The following SLC2A14 variants were observed in gnomAD, a reference collection of about 807,000 sequenced individuals.
SLC2A14 encodes solute carrier family 2, facilitated glucose transporter member 14.
A neutral mutation model predicts 43.0 loss-of-function variants in SLC2A14; 13 were observed. The ratio of observed to expected loss-of-function variants is 0.30; its 90% CI spans 0.20 to 0.48. SLC2A14 has a LOEUF of 0.48. Among genes scored for constraint, SLC2A14 ranks in the 20% least tolerant of loss-of-function variants. The probability of loss-of-function intolerance (pLI) is 0.99; values close to 1 mark genes in which losing one functional copy is unlikely to be tolerated. For synonymous variants in SLC2A14, 190 were observed against 233.8 expected, an observed-to-expected ratio of 0.81 and a Z score of 1.71; for missense variants, 428 against 620.4, an observed-to-expected ratio of 0.69 and a Z score of 3.29.
intron 2 of SLC2A14, among the ~76,000 whole-genome samples, chr12:7,845,952 G>C (rs928781721): frequency 9.9e-5 from 15 of 151,780 alleles, no homozygotes; most frequent in Admixed American, 6.6e-5. Flanking sequence ...AATTAGCTGG[G>C]CGTGGTGGTG....
intron 2 of SLC2A14, among the ~76,000 whole-genome samples, chr12:7,860,089 T>G (rs1361902370): frequency 2.0e-5 from 3 of 152,110 alleles, no homozygotes; most frequent in Non-Finnish European, 4.4e-5. Flanking sequence ...TTACCAGAGC[T>G]GGTTAGCAGT....
intron 2 of SLC2A14, among the ~76,000 whole-genome samples, chr12:7,858,681 T>G (rs150485523): frequency 0.016 from 2,361 of 152,092 alleles, 71 homozygotes; most frequent in African/African-American, 0.053. Context: ...GTATTTTTAG[T>G]AGAGATGGAG....
At chr12:7,879,518 C>T (rs1461899045) in intron 1 of SLC2A14, among the ~76,000 whole-genome samples, 1 of 151,784 alleles carries the variant, frequency 6.6e-6, no homozygotes, top group Non-Finnish European at 1.5e-5. Context: ...TACATCTCTA[C>T]TAAAAATACA....
intron 1 of SLC2A14, among the ~76,000 whole-genome samples, chr12:7,889,742 G>C (rs1213075116): frequency 6.6e-6 from 1 of 151,538 alleles, no homozygotes; most frequent in African/African-American, 2.4e-5. Flanking sequence ...CATTATATTG[G>C]TCAGGCTGGT....
intron 2 of SLC2A14, among the ~76,000 whole-genome samples, chr12:7,845,138 G>C (rs1866357091): frequency 6.6e-6 from 1 of 152,062 alleles, no homozygotes; most frequent in Admixed American, 6.6e-5. Context: ...CTCGTGAATG[G>C]AGAGGTCACC....
Position 7,863,469 on chromosome 12 carries a change from A to G in SLC2A14, c.18+6394T>C, listed in dbSNP as rs774442150. On this transcript the variant is annotated intron_variant, in intron 2 of 10. Transcript: ENST00000431042. ...GTGAAACTCCATCTCTATTAAAAAT[A>G]CAAAAAAATTAGCTGGGTGTGCTGG... The G allele has an allele frequency of 2.0e-5, 9 of 451,268 alleles. 1 individual carries two copies. The highest frequency in any genetic ancestry group is 1.4e-4 in the South Asian group (9 of 64,040). The allele number at this position is 451,268 out of a possible 1,614,324, so 28.0% of individuals were successfully genotyped here.
At chr12:7,835,868 G>A (rs1865408626) in intron 2 of SLC2A14, among the ~76,000 whole-genome samples, 1 of 152,200 alleles carries the variant, frequency 6.6e-6, no homozygotes, top group Admixed American at 6.6e-5. Flanking sequence ...TGTAGGCAGA[G>A]TTCACTTTGA....
chr12:7,839,924 C>CAAAAAAAAAAAAAAA lies in SLC2A14; in HGVS notation c.19-7125_19-7111dup. ...GCGACACAAGGAGACCCTGTCTCTACAAAAAAAAAAAAAAAAAAAAAAAAA... is the reference window on the plus strand; with the variant it reads ...GCGACACAAGGAGACCCTGTCTCTACAAAAAAAAAAAAAAAAAAAAAAAAAAAAAAAAAAAAAAAA... On this transcript the variant is annotated intron_variant, in intron 2 of 10. Transcript: ENST00000431042. The CAAAAAAAAAAAAAAA allele has an allele frequency of 1.2e-5, 2 of 165,066 alleles. 1 individual carries two copies. The highest frequency in any genetic ancestry group is 2.3e-5 in the Non-Finnish European group (2 of 85,528). The allele number at this position is 165,066 out of a possible 1,614,324, so 10.2% of individuals were successfully genotyped here. A position where few individuals can be genotyped will look rare whatever the true frequency, so the allele number is the denominator to read the frequency against.
intron 2 of SLC2A14, among the ~76,000 whole-genome samples, chr12:7,840,485 T>G (rs1865860386): frequency 6.6e-6 from 1 of 152,110 alleles, no homozygotes; most frequent in Non-Finnish European, 1.5e-5. Flanking sequence ...GTTCAAGCGA[T>G]TCTCCTGCCT....
chr12:7,885,654 G>A (rs1945675696), intron 1 of SLC2A14, among the ~76,000 whole-genome samples: 1 of 151,260 alleles, frequency 6.6e-6, no homozygotes, highest in Admixed American at 6.6e-5. Context: ...TATATCATGG[G>A]GAGTGAAAAA....
chr12:7,882,243 C>T (rs1945592594), intron 1 of SLC2A14, among the ~76,000 whole-genome samples: 2 of 151,846 alleles, frequency 1.3e-5, no homozygotes, highest in African/African-American at 2.4e-5. Flanking sequence ...ACGAACGATT[C>T]CAGACGGGTT....
At chr12:7,847,998 C>A (rs1009250955) in intron 2 of SLC2A14, among the ~76,000 whole-genome samples, 2 of 151,886 alleles carry the variant, frequency 1.3e-5, no homozygotes, top group African/African-American at 2.4e-5. Flanking sequence ...AACCCAGGGA[C>A]CTGAAATAGA....
rs150269572 is a variant in SLC2A14, at chr12:7,820,556, G to A, written c.969+665C>T. On this transcript the variant is annotated intron_variant, in intron 8 of 10. Transcript: ENST00000431042. ...CTACGGAACTGATTGCTTACTTGAT[G>A]GGGACAAATCCTTATATATTTTGGG... Among the ~76,000 whole-genome samples the A allele has an allele frequency of 2.4e-3, 359 of 152,204 alleles. 3 individuals are homozygous for A. Among genetic ancestry groups the A allele is most frequent in the African/African-American group, 8.2e-3 (341 of 41,546 alleles).
rs761012431 is a variant in SLC2A14, at chr12:7,855,163, T to G, written c.18+14700A>C. 5.8e-4 allele frequency among the ~76,000 whole-genome samples: 88 copies of G among 152,226 alleles called. 1 individual carries two copies. The highest frequency in any genetic ancestry group is 1.8e-3 in the African/African-American group (76 of 41,546). ...ATCAATGAGCATCATCTGTCCAGTCTTCATCACTTCCCAGAGTAACCCCTT... is the reference window on the plus strand; with the variant it reads ...ATCAATGAGCATCATCTGTCCAGTCGTCATCACTTCCCAGAGTAACCCCTT... On this transcript the variant is annotated intron_variant, in intron 2 of 10. Coordinates refer to ENST00000431042, the MANE Select transcript of SLC2A14 (RefSeq NM_001286234.2).
rs1241116099 is a variant in SLC2A14 at position 7,812,865 on chromosome 12, GAACA to G, written c.*1447_*1450del. The G allele has an allele frequency of 1.3e-5, 2 of 152,122 alleles. No homozygotes were observed. Among genetic ancestry groups the G allele is most frequent in the Non-Finnish European group, 2.9e-5 (2 of 68,060 alleles). The allele number at this position is 152,122 out of a possible 1,614,324, so 9.4% of individuals were successfully genotyped here. A position where few individuals can be genotyped will look rare whatever the true frequency, so the allele number is the denominator to read the frequency against. On this transcript the variant is annotated 3_prime_UTR_variant, in exon 11 of 11. Transcript: ENST00000431042. ...GCAACATATGAAAAAGGGGCTGTAG[GAACA>G]AACACAGAGAAAATAAGTCAACAAT...
intron 2 of SLC2A14, among the ~76,000 whole-genome samples, chr12:7,864,559 C>T (rs1451771306): frequency 1.3e-5 from 2 of 151,944 alleles, no homozygotes; most frequent in South Asian, 4.2e-4. Flanking sequence ...AGGATGGTCT[C>T]GATCTCCGGA....
At chr12:7,861,399 T>A (rs1307262897) in intron 2 of SLC2A14, among the ~76,000 whole-genome samples, 1 of 152,158 alleles carries the variant, frequency 6.6e-6, no homozygotes, top group Non-Finnish European at 1.5e-5. Flanking sequence ...CTGGTATACA[T>A]GCTTTCAGTA....
At chr12:7,855,079 A>G (rs1248677060) in intron 2 of SLC2A14, among the ~76,000 whole-genome samples, 1 of 152,090 alleles carries the variant, frequency 6.6e-6, no homozygotes, top group Non-Finnish European at 1.5e-5. Flanking sequence ...AAGGGCTGGG[A>G]TTACAGGCAT....
chr12:7,852,630 T>C (rs940541958), intron 2 of SLC2A14, among the ~76,000 whole-genome samples: 40 of 152,126 alleles, frequency 2.6e-4, no homozygotes, highest in Non-Finnish European at 5.4e-4. Flanking sequence ...GTTAGCAGAA[T>C]CCCTGGCCTC....
Sources: allele counts gnomAD v4.1 joint callset (sites outside exome capture counted in the v4.1 genomes callset), GRCh38; gene constraint gnomAD v4.1.1; transcripts MANE v1.5; gene names NCBI Gene and HGNC (gene_info 2026-07-23, HGNC 2026-07-21).